KLHL14: variants seen among roughly 807,000 people sequenced by gnomAD.
The protein encoded by KLHL14 is kelch-like protein 14.
In KLHL14, 22 loss-of-function variants were observed where a neutral mutation model predicts 64.3. The observed-to-expected ratio is 0.34, with a 90% CI of 0.24 to 0.49. KLHL14 has a LOEUF of 0.49. Among genes scored for constraint, KLHL14 ranks in the 20% least tolerant of loss-of-function variants. The pLI is 0.99. For missense variants in KLHL14, 661 were observed against 789.0 expected (o/e 0.84, Z 1.94); for synonymous variants, 322 against 333.4 (o/e 0.97, Z 0.37).
chr18:32,710,133 G>T (rs1033734698), intron 3 of KLHL14, among the ~76,000 whole-genome samples: 2 of 152,140 alleles, frequency 1.3e-5, no homozygotes, highest in African/African-American at 4.8e-5. Context: ...CAGTTGAATT[G>T]GATAACTTAT....
chr18:32,753,085 G>A (rs2050264753), intron 2 of KLHL14, among the ~76,000 whole-genome samples: 1 of 151,684 alleles, frequency 6.6e-6, no homozygotes, highest in African/African-American at 2.4e-5. Context: ...TAAATCATGG[G>A]CTTCATGGGT....
intron 8 of KLHL14, among the ~76,000 whole-genome samples, chr18:32,676,029 A>G (rs1373591338): frequency 5.3e-5 from 8 of 152,248 alleles, no homozygotes; most frequent in Non-Finnish European, 1.0e-4. Context: ...CATCATTTTA[A>G]AAGTGAATAT....
At chr18:32,757,264 TC>T (rs1210151074) in intron 2 of KLHL14, among the ~76,000 whole-genome samples, 1 of 152,214 alleles carries the variant, frequency 6.6e-6, no homozygotes, top group African/African-American at 2.4e-5. Flanking sequence ...TAATTTCTCT[TC>T]AAGAGCAGCA....
rs529805583 is a variant in KLHL14 at position 32,691,907 on chromosome 18, T to C, written c.1159+3556A>G. On this transcript the variant is annotated intron_variant, in intron 4 of 8. Coordinates refer to ENST00000359358, the MANE Select transcript of KLHL14 (RefSeq NM_020805.3). Reference sequence around the variant, plus strand: ...TTAGCACTTGGCTGATGTGATTATATGGGGCAAAGGGTGGCAGTTTCCAGC... The same window carrying C: ...TTAGCACTTGGCTGATGTGATTATACGGGGCAAAGGGTGGCAGTTTCCAGC... Among the ~76,000 whole-genome samples, 6 of 152,274 alleles carry C rather than the reference T, an allele frequency of 3.9e-5. No homozygotes were observed. The East Asian group carries it at 1.2e-3, about 29-fold the overall frequency.
At chr18:32,689,527 A>C (rs905215721) in intron 4 of KLHL14, among the ~76,000 whole-genome samples, 8 of 152,212 alleles carry the variant, frequency 5.3e-5, no homozygotes, top group Non-Finnish European at 1.0e-4. Context: ...CTGAGTGCAG[A>C]CTACTCAGGA....
chr18:32,761,393 C>CTTTTTTTTTT (rs10676001), intron 2 of KLHL14, among the ~76,000 whole-genome samples: 1 of 127,086 alleles, frequency 7.9e-6, no homozygotes, highest in African/African-American at 3.1e-5. Context: ...GCCACACATC[C>CTTTTTTTTTT]TTTTTTTTTT....
chr18:32,765,253 G>A (rs1028801017), intron 2 of KLHL14, among the ~76,000 whole-genome samples: 1 of 152,300 alleles, frequency 6.6e-6, no homozygotes, highest in South Asian at 2.1e-4. Context: ...ATTTTTTACT[G>A]TTTTTTAAGT....
intron 5 of KLHL14, among the ~76,000 whole-genome samples, chr18:32,681,581 C>G (rs1366004244): frequency 6.6e-6 from 1 of 152,008 alleles, no homozygotes; most frequent in African/African-American, 2.4e-5. Flanking sequence ...ACTGATACTA[C>G]TGGAATAATA....
In KLHL14 at chr18:32,771,879, G is replaced by A. The variant is rs1568088719; in HGVS notation, c.-44+788C>T. Among the ~76,000 whole-genome samples, 7 of 151,932 alleles carry A rather than the reference G, an allele frequency of 4.6e-5. No homozygotes were observed. The South Asian group carries it at 6.2e-4, about 14-fold the overall frequency. On this transcript the variant is annotated intron_variant, in intron 1 of 8. Coordinates refer to ENST00000359358, the MANE Select transcript of KLHL14 (RefSeq NM_020805.3). Reference sequence around the variant, plus strand: ...TCGCCTGCAGCCGCAGCTCCCTTCTGACCCCCTCGGTAGAGCCCCCAGCGG... The same window carrying A: ...TCGCCTGCAGCCGCAGCTCCCTTCTAACCCCCTCGGTAGAGCCCCCAGCGG...
intron 7 of KLHL14, among the ~76,000 whole-genome samples, chr18:32,678,044 A>C (rs2144463269): frequency 6.6e-6 from 1 of 152,312 alleles, no homozygotes; most frequent in African/African-American, 2.4e-5. Flanking sequence ...ATTTACCAAG[A>C]ATCAAGGTTT....
At chr18:32,688,236 T>C (rs1297394100) in intron 4 of KLHL14, among the ~76,000 whole-genome samples, 2 of 152,134 alleles carry the variant, frequency 1.3e-5, no homozygotes, top group African/African-American at 2.4e-5. Flanking sequence ...GAGAGATGGG[T>C]ACCAAATTCA....
chr18:32,767,923 CTG>C (rs1311302505), intron 2 of KLHL14, among the ~76,000 whole-genome samples: 3 of 152,304 alleles, frequency 2.0e-5, no homozygotes, highest in African/African-American at 7.2e-5. Flanking sequence ...AGAACTATAA[CTG>C]TGTTGTCTGA....
At chr18:32,696,210 C>T (rs2049936017) in intron 3 of KLHL14, among the ~76,000 whole-genome samples, 1 of 152,190 alleles carries the variant, frequency 6.6e-6, no homozygotes, top group African/African-American at 2.4e-5. Flanking sequence ...TGAAAACTGT[C>T]AGGAACATCA....
At chr18:32,751,587 G>A (rs940714984) in intron 2 of KLHL14, among the ~76,000 whole-genome samples, 2 of 152,164 alleles carry the variant, frequency 1.3e-5, no homozygotes, top group Non-Finnish European at 2.9e-5. Context: ...CCCAGAGTCT[G>A]ACTTTGGGCT....
At chr18:32,737,158 T>C (rs1281192298) in intron 3 of KLHL14, among the ~76,000 whole-genome samples, 1 of 152,052 alleles carries the variant, frequency 6.6e-6, no homozygotes. Context: ...GAACCCTACC[T>C]ACCTGTCTAG....
intron 3 of KLHL14, among the ~76,000 whole-genome samples, chr18:32,709,421 T>C (rs1365770010): frequency 6.6e-6 from 1 of 151,794 alleles, no homozygotes; most frequent in African/African-American, 2.4e-5. Flanking sequence ...CCTTCTTTTG[T>C]GATAACACTT....
In KLHL14 at chr18:32,683,066, A is replaced by G. The variant is rs575015320; in HGVS notation, c.1239-2467T>C. Among the ~76,000 whole-genome samples, 13 of 152,364 alleles carry G rather than the reference A, an allele frequency of 8.5e-5. No individual in the cohort carries two copies. The South Asian group carries it at 1.7e-3, about 19-fold the overall frequency. On this transcript the variant is annotated intron_variant, in intron 5 of 8. Coordinates refer to ENST00000359358, the MANE Select transcript of KLHL14 (RefSeq NM_020805.3). This position sits in a 1 kb window ranked among gnomAD's most constrained non-coding sequence, Gnocchi z 4.2. ...TTTAACTGAGTATAGATTTTGAAGA[A>G]TAAGAGGAAGATCTCCCTTTGGTGA...
intron 2 of KLHL14, among the ~76,000 whole-genome samples, chr18:32,758,690 C>T (rs1396748297): frequency 3.3e-5 from 5 of 152,128 alleles, no homozygotes; most frequent in African/African-American, 9.7e-5. Context: ...GTGGAAACAA[C>T]CCACACGTCC....
At position 32,771,369 on chromosome 18, in the gene KLHL14, C is replaced by T. The variant is rs1362385591; in HGVS notation, c.-43-735G>A. 2.6e-5 allele frequency among the ~76,000 whole-genome samples: 4 copies of T among 152,158 alleles called. No individual in the cohort carries two copies. The East Asian group carries it at 7.7e-4, about 29-fold the overall frequency. ...GGAATCGGCAGAGGCGGGAGCTGTC[C>T]TTATCAATTCGAGCTCATTTCCCTC... On this transcript the variant is annotated intron_variant, in intron 1 of 8. Coordinates refer to ENST00000359358, the MANE Select transcript of KLHL14 (RefSeq NM_020805.3).
Sources: gnomAD v4.1 joint callset for allele counts (sites outside exome capture counted in the v4.1 genomes callset) on GRCh38, gnomAD v4.1.1 for gene constraint, Gnocchi (gnomAD v3.1) non-coding constraint, MANE v1.5 for transcripts, NCBI Gene and HGNC (gene_info 2026-07-23, HGNC 2026-07-21) for gene names.